Variants in CA10 observed in about 807,000 individuals in gnomAD.
The protein encoded by CA10 is carbonic anhydrase-related protein 10.
A neutral mutation model predicts 44.2 loss-of-function variants in CA10; 14 were observed. The observed-to-expected ratio is 0.32, with a 90% CI of 0.21 to 0.50. The LOEUF (loss-of-function observed/expected upper bound fraction) is 0.50. Ranked by LOEUF, CA10 falls within the 20% of genes least tolerant of loss-of-function variation. The pLI is 0.99. For synonymous variants in CA10, 159 were observed against 141.6 expected (o/e 1.12, Z -0.87); for missense variants, 350 against 409.7 (o/e 0.85, Z 1.26).
chr17:52,149,895 A>T (rs1989667803), intron 1 of CA10, among the ~76,000 whole-genome samples: 4 of 152,222 alleles, frequency 2.6e-5, no homozygotes, highest in Admixed American at 2.0e-4. Flanking sequence ...CTAATGAAGG[A>T]TGCAAACTGC....
intron 3 of CA10, among the ~76,000 whole-genome samples, chr17:51,811,919 C>T (rs1907382435): frequency 6.6e-6 from 1 of 152,152 alleles, no homozygotes; most frequent in Non-Finnish European, 1.5e-5. Flanking sequence ...GAGTGAAGCC[C>T]TGCTTCCTTG....
At chr17:51,999,133 A>C (rs1166123005) in intron 2 of CA10, among the ~76,000 whole-genome samples, 1 of 152,068 alleles carries the variant, frequency 6.6e-6, no homozygotes, top group Admixed American at 6.6e-5. Context: ...AAGAAAAAGA[A>C]GATAGTACTT....
intron 1 of CA10, among the ~76,000 whole-genome samples, chr17:52,146,298 G>T (rs1414932465): frequency 6.6e-6 from 1 of 152,114 alleles, no homozygotes; most frequent in African/African-American, 2.4e-5. Context: ...TTTGGTTCAC[G>T]CCTGTAATCC....
At chr17:51,971,412 C>A (rs1984276153) in intron 2 of CA10, among the ~76,000 whole-genome samples, 1 of 152,082 alleles carries the variant, frequency 6.6e-6, no homozygotes, top group African/African-American at 2.4e-5. Flanking sequence ...TAAATCAAAA[C>A]TACATCTGTG....
intron 1 of CA10, among the ~76,000 whole-genome samples, chr17:52,146,727 G>A (rs1354355225): frequency 6.6e-6 from 1 of 151,540 alleles, no homozygotes; most frequent in Non-Finnish European, 1.5e-5. Context: ...AAAATAAGAT[G>A]TGGCAATGTG....
chr17:51,832,900 A>G (rs1908334568), intron 3 of CA10, among the ~76,000 whole-genome samples: 1 of 152,210 alleles, frequency 6.6e-6, no homozygotes, highest in Non-Finnish European at 1.5e-5. Context: ...ATCAAGCAGC[A>G]CATCACCTAT....
At chr17:51,832,294 C>A (rs73989413) in intron 3 of CA10, among the ~76,000 whole-genome samples, 1 of 152,018 alleles carries the variant, frequency 6.6e-6, no homozygotes, top group South Asian at 2.1e-4. Context: ...AGGAGGAGGA[C>A]TAGTGTGGAG....
intron 2 of CA10, among the ~76,000 whole-genome samples, chr17:51,951,775 A>G (rs1424098264): frequency 6.6e-6 from 1 of 152,172 alleles, no homozygotes. Context: ...ACCATACTGA[A>G]CAAAATCTGA....
intron 4 of CA10, among the ~76,000 whole-genome samples, chr17:51,661,146 T>C (rs1369620138): frequency 6.6e-6 from 1 of 152,204 alleles, no homozygotes; most frequent in Non-Finnish European, 1.5e-5. Context: ...AGACTGACTT[T>C]AGGCTTCATC....
chr17:51,874,710 A>G (rs1213098254), intron 3 of CA10, among the ~76,000 whole-genome samples: 1 of 152,208 alleles, frequency 6.6e-6, no homozygotes, highest in Non-Finnish European at 1.5e-5. Flanking sequence ...ATTAGAATTA[A>G]CCACTGCAAG....
chr17:51,808,627 T>C (rs1261100787), intron 3 of CA10, among the ~76,000 whole-genome samples: 1 of 152,210 alleles, frequency 6.6e-6, no homozygotes, highest in Non-Finnish European at 1.5e-5. Flanking sequence ...TCAAGTGAAC[T>C]ATAATGCATC....
rs4793711 is a variant in CA10 at position 51,632,443 on chromosome 17, A to C, written c.965-837T>G. On this transcript the variant is annotated intron_variant, in intron 8 of 8. Coordinates refer to ENST00000451037, the MANE Select transcript of CA10 (RefSeq NM_020178.5). Reference sequence around the variant, plus strand: ...CTGAGAGAGAAAAAAGAAGGGAACAAGGGGGAAGTAGGAGGAATGAAGTGG... The same window carrying C: ...CTGAGAGAGAAAAAAGAAGGGAACACGGGGGAAGTAGGAGGAATGAAGTGG... 9.8e-3 allele frequency among the ~76,000 whole-genome samples: 1,489 copies of C among 152,094 alleles called. 11 individuals are homozygous for C. The highest frequency in any genetic ancestry group is 0.015 in the Non-Finnish European group (1,013 of 67,988).
chr17:51,997,956 C>A (rs2144114747), intron 2 of CA10, among the ~76,000 whole-genome samples: 1 of 152,148 alleles, frequency 6.6e-6, no homozygotes, highest in East Asian at 1.9e-4. Flanking sequence ...CCTGTGATAA[C>A]CCTAAGGTCA....
At chr17:52,130,272 CT>C (rs1321973630) in intron 1 of CA10, among the ~76,000 whole-genome samples, 1 of 152,100 alleles carries the variant, frequency 6.6e-6, no homozygotes, top group African/African-American at 2.4e-5. Context: ...TAAAATAGTA[CT>C]AACATATGAC....
At chr17:51,834,696 C>G (rs1908410552) in intron 3 of CA10, among the ~76,000 whole-genome samples, 1 of 152,286 alleles carries the variant, frequency 6.6e-6, no homozygotes, top group Non-Finnish European at 1.5e-5. Context: ...TGACTTTGAA[C>G]CCATACTTCT....
At chr17:51,921,842 A>G (rs1982246197) in intron 3 of CA10, among the ~76,000 whole-genome samples, 1 of 152,122 alleles carries the variant, frequency 6.6e-6, no homozygotes, top group Non-Finnish European at 1.5e-5. Context: ...GTGACATTTT[A>G]TGTAAATATA....
At chr17:51,952,533 T>G (rs907407431) in intron 2 of CA10, among the ~76,000 whole-genome samples, 1 of 144,746 alleles carries the variant, frequency 6.9e-6, no homozygotes, top group Non-Finnish European at 1.5e-5. Flanking sequence ...CCAGCCTGGG[T>G]GACAGAGAGG....
At chr17:51,852,910 T>C (rs1978858131) in intron 3 of CA10, among the ~76,000 whole-genome samples, 1 of 152,140 alleles carries the variant, frequency 6.6e-6, no homozygotes, top group Non-Finnish European at 1.5e-5. Flanking sequence ...ATAATTCAGA[T>C]CTCTCCCATT....
chr17:51,843,645 A>G (rs1179022049), intron 3 of CA10, among the ~76,000 whole-genome samples: 2 of 151,998 alleles, frequency 1.3e-5, no homozygotes, highest in African/African-American at 2.4e-5. Flanking sequence ...GTCTAATTAT[A>G]TATGCCAACC....
Sources: allele counts gnomAD v4.1 joint callset (sites outside exome capture counted in the v4.1 genomes callset), GRCh38; gene constraint gnomAD v4.1.1; transcripts MANE v1.5; gene names NCBI Gene and HGNC (gene_info 2026-07-23, HGNC 2026-07-21).